Variants in ROBO1 observed in about 807,000 individuals in gnomAD.
The protein encoded by ROBO1 is roundabout guidance receptor 1, also known as roundabout homolog 1.
Under a neutral mutation model 195.9 loss-of-function variants are expected in ROBO1, and 149 were observed. The observed-to-expected ratio is 0.76, with a 90% confidence interval of 0.67 to 0.87. The LOEUF (loss-of-function observed/expected upper bound fraction) is 0.87. ROBO1 is among the 40% of genes least tolerant of loss of function. The pLI, the probability that ROBO1 is intolerant of heterozygous loss-of-function variation, is 0.00. For missense variants in ROBO1, 1,933 were observed against 2,068.3 expected, an observed-to-expected ratio of 0.93 and a Z score of 1.27; for synonymous variants, 816 against 733.2, an observed-to-expected ratio of 1.11 and a Z score of -1.82.
chr3:79,338,253 C>T (rs1322199935), intron 2 of ROBO1, among the ~76,000 whole-genome samples: 1 of 152,146 alleles, frequency 6.6e-6, no homozygotes. Flanking sequence ...AGATGACTAT[C>T]TTTAAATATT....
intron 1 of ROBO1, among the ~76,000 whole-genome samples, chr3:79,669,080 C>T (rs1946556004): frequency 6.6e-6 from 1 of 151,818 alleles, no homozygotes; most frequent in African/African-American, 2.4e-5. Flanking sequence ...CAAATCTCAC[C>T]TTGTAGCTCC....
At chr3:79,026,049 A>T (rs1236695793) in intron 3 of ROBO1, among the ~76,000 whole-genome samples, 1 of 152,160 alleles carries the variant, frequency 6.6e-6, no homozygotes, top group Non-Finnish European at 1.5e-5. Context: ...ATTGTATTAC[A>T]TGTTATGTTT....
intron 2 of ROBO1, among the ~76,000 whole-genome samples, chr3:79,287,148 C>T (rs1182913924): frequency 2.0e-5 from 3 of 151,984 alleles, no homozygotes; most frequent in South Asian, 2.1e-4. Flanking sequence ...GAAGAGGGTT[C>T]GTAATAGACT....
At position 78,869,092 on chromosome 3, in the gene ROBO1, GT is replaced by G. The variant is rs571098950; in HGVS notation, c.499+69508del. On this transcript the variant is annotated intron_variant, in intron 4 of 30. Transcript: ENST00000464233. ...TAACTTGGGACAAATAAGCATTATAGTTTTTTTTAAGAAACTTTTTTATTGC... is the reference window on the plus strand; with the variant it reads ...TAACTTGGGACAAATAAGCATTATAGTTTTTTTAAGAAACTTTTTTATTGC... Among the ~76,000 whole-genome samples the G allele has an allele frequency of 7.2e-5, 11 of 151,998 alleles. No homozygotes were observed. In the East Asian group the frequency reaches 1.9e-3, roughly 27 times the overall value.
At chr3:78,939,576 C>T (rs530485915) in intron 3 of ROBO1, among the ~76,000 whole-genome samples, 2 of 151,084 alleles carry the variant, frequency 1.3e-5, no homozygotes, top group East Asian at 3.9e-4. Context: ...CGAGATCGCG[C>T]CACTGCACTC....
chr3:79,326,203 CG>C (rs1422607613), intron 2 of ROBO1, among the ~76,000 whole-genome samples: 2 of 152,128 alleles, frequency 1.3e-5, no homozygotes, highest in Non-Finnish European at 2.9e-5. Context: ...AATTTCTCCC[CG>C]GTCCTGTGGT....
intron 2 of ROBO1, among the ~76,000 whole-genome samples, chr3:79,267,968 A>C (rs909358822): frequency 1.3e-5 from 2 of 151,674 alleles, no homozygotes; most frequent in African/African-American, 2.4e-5. Flanking sequence ...TTCATTCATC[A>C]TCCATGGGAA....
In ROBO1 at chr3:79,455,743, A is replaced by G. The variant is rs182488635; in HGVS notation, c.88+134081T>C. On this transcript the variant is annotated intron_variant, in intron 2 of 30. Transcript: ENST00000464233. ...CATATTTTTTGAAGTATTTAGTCCT[A>G]TACTGCACTTTTCTGCCATGAAGTC... 3.0e-3 allele frequency among the ~76,000 whole-genome samples: 458 copies of G among 152,212 alleles called. 2 individuals carry two copies. The highest frequency in any genetic ancestry group is 9.6e-3 in the African/African-American group (400 of 41,564).
At chr3:79,240,378 C>T (rs891338643) in intron 2 of ROBO1, among the ~76,000 whole-genome samples, 1 of 152,104 alleles carries the variant, frequency 6.6e-6, no homozygotes, top group African/African-American at 2.4e-5. Flanking sequence ...TGGATATGAA[C>T]AGTTATTAAC....
At chr3:79,465,317 A>G (rs939693854) in intron 2 of ROBO1, among the ~76,000 whole-genome samples, 4 of 152,200 alleles carry the variant, frequency 2.6e-5, no homozygotes, top group East Asian at 1.9e-4. Flanking sequence ...ACTCAGAACT[A>G]TCGCAAAAAA....
intron 1 of ROBO1, among the ~76,000 whole-genome samples, chr3:79,623,691 A>G (rs962043430): frequency 1.3e-5 from 2 of 152,172 alleles, no homozygotes; most frequent in African/African-American, 4.8e-5. Context: ...GAAATATGGG[A>G]CTTCAATAAA....
chr3:79,359,658 T>G (rs2109299663), intron 2 of ROBO1, among the ~76,000 whole-genome samples: 1 of 152,106 alleles, frequency 6.6e-6, no homozygotes, highest in Middle Eastern at 3.4e-3. Context: ...TGAAACCAAT[T>G]ATCGAAGCCT....
intron 2 of ROBO1, among the ~76,000 whole-genome samples, chr3:79,347,893 A>AATGT (rs1452083667): frequency 5.9e-5 from 9 of 152,154 alleles, no homozygotes; most frequent in African/African-American, 2.2e-4. Context: ...CTTAATACCA[A>AATGT]ATGTAGTACC....
chr3:78,733,242 A>T (rs2082321503), intron 5 of ROBO1, among the ~76,000 whole-genome samples: 1 of 152,180 alleles, frequency 6.6e-6, no homozygotes, highest in Admixed American at 6.6e-5. Context: ...ATGAAAAGGA[A>T]ATCTCAATCC....
At chr3:78,867,409 T>A (rs1191106730) in intron 4 of ROBO1, among the ~76,000 whole-genome samples, 1 of 152,026 alleles carries the variant, frequency 6.6e-6, no homozygotes, top group East Asian at 1.9e-4. Flanking sequence ...AAGTGTTTGA[T>A]TTTTTTTCCC....
rs140205201 is a variant in ROBO1, at chr3:78,815,683, G to A, written c.500-68783C>T. On this transcript the variant is annotated intron_variant, in intron 4 of 30. Coordinates refer to ENST00000464233, the MANE Select transcript of ROBO1 (RefSeq NM_002941.4). ...CTTCACTAGGAGTAGATTTCATCTC[G>A]AGGAACCACTTTCTTTGCTCATCCA... Among the ~76,000 whole-genome samples, 1,278 of 152,060 alleles carry A rather than the reference G, an allele frequency of 8.4e-3. 12 individuals carry two copies. Among genetic ancestry groups the A allele is most frequent in the African/African-American group, 0.029 (1,211 of 41,492 alleles).
intron 2 of ROBO1, among the ~76,000 whole-genome samples, chr3:79,258,381 G>A (rs963223814): frequency 3.3e-5 from 5 of 152,140 alleles, no homozygotes; most frequent in Non-Finnish European, 5.9e-5. Flanking sequence ...ATGAAAATAT[G>A]TCTGTGATAA....
intron 5 of ROBO1, among the ~76,000 whole-genome samples, chr3:78,719,087 G>T (rs1009154496): frequency 6.6e-6 from 1 of 152,112 alleles, no homozygotes; most frequent in East Asian, 1.9e-4. Flanking sequence ...CATTAACAAA[G>T]TTTTTAATTT....
chr3:78,819,834 GAC>G (rs1468015534), intron 4 of ROBO1, among the ~76,000 whole-genome samples: 1 of 152,034 alleles, frequency 6.6e-6, no homozygotes, highest in Non-Finnish European at 1.5e-5. Context: ...AACACACATA[GAC>G]ACACACAAAC....
Sources: gnomAD v4.1 joint callset for allele counts (sites outside exome capture counted in the v4.1 genomes callset) on GRCh38, gnomAD v4.1.1 for gene constraint, MANE v1.5 for transcripts, NCBI Gene and HGNC (gene_info 2026-07-23, HGNC 2026-07-21) for gene names.